USP32: variants seen among roughly 807,000 people sequenced by gnomAD.
USP32 encodes ubiquitin specific peptidase 32.
A neutral mutation model predicts 204.8 loss-of-function variants in USP32; 59 were observed. That is an observed-to-expected ratio of 0.29 (90% CI 0.23 to 0.36). The LOEUF is 0.36. USP32 is among the 10% of genes least tolerant of loss of function. The pLI, the probability that USP32 is intolerant of heterozygous loss-of-function variation, is 1.00. For synonymous variants in USP32, 517 were observed against 678.4 expected (o/e 0.76, Z 3.70); for missense variants, 1,160 against 1,946.4 (o/e 0.60, Z 7.60).
intron 1 of USP32, among the ~76,000 whole-genome samples, chr17:60,365,484 A>AAAAT (rs568687114): frequency 8.7e-4 from 132 of 152,052 alleles, no homozygotes; most frequent in African/African-American, 2.1e-3. Context: ...TCCATCTCAA[A>AAAAT]AAATAAATAA....
intron 27 of USP32, among the ~76,000 whole-genome samples, chr17:60,196,147 C>T (rs2084508984): frequency 6.6e-6 from 1 of 151,768 alleles, no homozygotes; most frequent in Admixed American, 6.6e-5. Flanking sequence ...TGCACCTGTA[C>T]TCCCAGCTAC....
chr17:60,209,708 T>A (rs563883324), intron 21 of USP32, among the ~76,000 whole-genome samples, 165 bp from the exon 22 acceptor site: 1 of 152,032 alleles, frequency 6.6e-6, no homozygotes, highest in African/African-American at 2.4e-5. Context: ...ATCTTTTGAA[T>A]CTTAATGTCA....
intron 1 of USP32, among the ~76,000 whole-genome samples, chr17:60,384,126 A>C (rs2089690131): frequency 6.6e-6 from 1 of 152,226 alleles, no homozygotes; most frequent in African/African-American, 2.4e-5. Flanking sequence ...GGAACTGAGG[A>C]TATGTCTAGA....
At chr17:60,244,029 GTTTTTTTTTTTT>G (rs34842511) in intron 11 of USP32, among the ~76,000 whole-genome samples, 2 of 71,692 alleles carry the variant, frequency 2.8e-5, no homozygotes, top group South Asian at 5.1e-4. Context: ...GCTGGATTGT[GTTTTTTTTTTTT>G]TTTTTTTTTT....
chr17:60,274,685 T>C (rs1288902016), intron 5 of USP32, among the ~76,000 whole-genome samples: 1 of 151,972 alleles, frequency 6.6e-6, no homozygotes, highest in East Asian at 1.9e-4. Flanking sequence ...AAAAATAAAT[T>C]CAAAGTACAG....
chr17:60,395,388 C>G (rs1030474762), upstream of USP32, among the ~76,000 whole-genome samples: 1 of 152,156 alleles, frequency 6.6e-6, no homozygotes, highest in Admixed American at 6.5e-5. Flanking sequence ...ATTATTGTAG[C>G]CAGTGAAGCA....
intron 12 of USP32, among the ~76,000 whole-genome samples, chr17:60,232,556 T>C (rs1188806486): frequency 6.6e-6 from 1 of 151,056 alleles, no homozygotes; most frequent in Non-Finnish European, 1.5e-5. Flanking sequence ...ATTTTTTTTT[T>C]TTTTTTTTTA....
chr17:60,303,549 C>A (rs189879205), intron 2 of USP32, among the ~76,000 whole-genome samples: 41 of 151,890 alleles, frequency 2.7e-4, no homozygotes, highest in African/African-American at 8.2e-4. Context: ...AAAAAGTAAC[C>A]CTAGAATGGA....
At chr17:60,229,344 A>AT (rs2085483037) in intron 12 of USP32, among the ~76,000 whole-genome samples, 1 of 152,132 alleles carries the variant, frequency 6.6e-6, no homozygotes, top group African/African-American at 2.4e-5. Flanking sequence ...GGCCAAAGGC[A>AT]TTTTTTCATT....
chr17:60,317,456 C>T (rs2088010341), intron 2 of USP32, among the ~76,000 whole-genome samples: 3 of 148,232 alleles, frequency 2.0e-5, no homozygotes, highest in Non-Finnish European at 4.4e-5. Flanking sequence ...GTCAAGGCTA[C>T]AGTGAACCAT....
upstream of USP32, among the ~76,000 whole-genome samples, chr17:60,395,392 T>C (rs1332414515): frequency 2.0e-5 from 3 of 152,242 alleles, no homozygotes; most frequent in Non-Finnish European, 4.4e-5. Context: ...TTGTAGCCAG[T>C]GAAGCAGATA....
At chr17:60,383,511 A>G (rs1212222122) in intron 1 of USP32, among the ~76,000 whole-genome samples, 1 of 152,230 alleles carries the variant, frequency 6.6e-6, no homozygotes, top group Non-Finnish European at 1.5e-5. Context: ...AATAAACGTG[A>G]TAATTACGTA....
rs144626921 is a variant in USP32 at position 60,374,840 on chromosome 17, T to C, written c.58+17042A>G. Among the ~76,000 whole-genome samples the C allele has an allele frequency of 9.5e-3, 1,445 of 152,336 alleles. 33 individuals are homozygous for C. Among genetic ancestry groups the C allele is most frequent in the African/African-American group, 0.033 (1,389 of 41,564 alleles). On this transcript the variant is annotated intron_variant, in intron 1 of 33. Coordinates refer to ENST00000300896, the MANE Select transcript of USP32 (RefSeq NM_032582.4). ...CTACTATTATCTTATGGGATCACAG[T>C]TGTGTATGCAGTCCATCGTTAACCA...
rs773508532 is a variant in USP32, at chr17:60,371,770, CAT to C, written c.58+20110_58+20111del. Reference sequence around the variant, plus strand: ...TCCTTTCATGTAAGTAAAAAGGCCACATGAGACATTAGAAGAATAAACTGCCA... The same window carrying C: ...TCCTTTCATGTAAGTAAAAAGGCCACGAGACATTAGAAGAATAAACTGCCA... On this transcript the variant is annotated intron_variant, in intron 1 of 33. Coordinates refer to ENST00000300896, the MANE Select transcript of USP32 (RefSeq NM_032582.4). Among the ~76,000 whole-genome samples, 92 of 152,232 alleles carry C rather than the reference CAT, an allele frequency of 6.0e-4. 1 individual carries two copies. Among genetic ancestry groups the C allele is most frequent in the Admixed American group, 2.6e-3 (39 of 15,272 alleles).
intron 5 of USP32, 46 bp from the exon 6 acceptor site, chr17:60,271,527 C>T: frequency 1.9e-6 from 3 of 1,589,672 alleles, no homozygotes; most frequent in South Asian, 2.3e-5. Flanking sequence ...GAATTCTCTT[C>T]TCAGGAGTTC....
intron 7 of USP32, among the ~76,000 whole-genome samples, chr17:60,267,186 T>C (rs1304439936): frequency 6.6e-6 from 1 of 150,898 alleles, no homozygotes; most frequent in Non-Finnish European, 1.5e-5. Context: ...GGTGGGCGAA[T>C]CGCGAGGTCA....
chr17:60,365,484 A>AAAATAAATAAAT (rs568687114), intron 1 of USP32, among the ~76,000 whole-genome samples: 1 of 151,938 alleles, frequency 6.6e-6, no homozygotes, highest in Non-Finnish European at 1.5e-5. Flanking sequence ...TCCATCTCAA[A>AAAATAAATAAAT]AAATAAATAA....
chr17:60,367,282 G>A (rs1164134511), intron 1 of USP32, among the ~76,000 whole-genome samples: 1 of 152,196 alleles, frequency 6.6e-6, no homozygotes, highest in Non-Finnish European at 1.5e-5. Flanking sequence ...GCCAAGGCAG[G>A]AGGGTTGCTT....
chr17:60,178,568 G>C lies in USP32; in HGVS notation c.*687C>G, dbSNP rs561750876. ...CTACTGGGTCTCCCACAAGGCTCTGGGTGGAAGGCACACAGCTCTTAAGAG... is the reference window on the plus strand; with the variant it reads ...CTACTGGGTCTCCCACAAGGCTCTGCGTGGAAGGCACACAGCTCTTAAGAG... On this transcript the variant is annotated 3_prime_UTR_variant, in exon 34 of 34. Transcript: ENST00000300896. 8.0e-4 allele frequency among the ~76,000 whole-genome samples: 121 copies of C among 152,174 alleles called. 1 individual carries two copies. Among genetic ancestry groups the C allele is most frequent in the Non-Finnish European group, 1.2e-3 (81 of 68,030 alleles).
Sources: gnomAD v4.1 joint callset for allele counts (sites outside exome capture counted in the v4.1 genomes callset) on GRCh38, gnomAD v4.1.1 for gene constraint, MANE v1.5 for transcripts, NCBI Gene and HGNC (gene_info 2026-07-23, HGNC 2026-07-21) for gene names.